The following RPS6KA5 variants were observed in gnomAD, a reference collection of about 807,000 sequenced individuals.
The protein encoded by RPS6KA5 is ribosomal protein S6 kinase alpha-5.
RPS6KA5 carries 27 observed loss-of-function variants against 85.5 expected under a neutral mutation model. The ratio of observed to expected loss-of-function variants is 0.32; its 90% confidence interval spans 0.23 to 0.44. The LOEUF (loss-of-function observed/expected upper bound fraction) is 0.44, where lower values mean the gene tolerates loss of function less well. Ranked by LOEUF, RPS6KA5 falls within the 20% of genes least tolerant of loss-of-function variation. The probability of loss-of-function intolerance (pLI) is 1.00; values close to 1 mark genes in which losing one functional copy is unlikely to be tolerated. For synonymous variants in RPS6KA5, 334 were observed against 348.2 expected (o/e 0.96, Z 0.46); for missense variants, 811 against 980.9 (o/e 0.83, Z 2.31).
intron 1 of RPS6KA5, among the ~76,000 whole-genome samples, chr14:91,014,729 TC>T (rs1326605179): frequency 6.6e-6 from 1 of 152,018 alleles, no homozygotes; most frequent in Non-Finnish European, 1.5e-5. Context: ...TTATACTACA[TC>T]CTCTAAAAAA....
chr14:90,889,954 A>C (rs2034460536), intron 14 of RPS6KA5, among the ~76,000 whole-genome samples: 1 of 152,200 alleles, frequency 6.6e-6, no homozygotes, highest in Admixed American at 6.5e-5. Context: ...GGAGAAAAAA[A>C]ACACAAGATT....
chr14:90,934,823 A>C (rs910820035), intron 5 of RPS6KA5, among the ~76,000 whole-genome samples: 1 of 152,160 alleles, frequency 6.6e-6, no homozygotes, highest in African/African-American at 2.4e-5. Context: ...GGGGGAAAAA[A>C]ATCTCACTAA....
At chr14:90,958,008 G>C (rs554718516) in intron 3 of RPS6KA5, among the ~76,000 whole-genome samples, 4 of 151,976 alleles carry the variant, frequency 2.6e-5, no homozygotes, top group Non-Finnish European at 5.9e-5. Context: ...AATAAAAATA[G>C]CCAGGCATGT....
intron 12 of RPS6KA5, among the ~76,000 whole-genome samples, chr14:90,897,611 C>G (rs1186823210): frequency 6.6e-6 from 1 of 152,110 alleles, no homozygotes; most frequent in Non-Finnish European, 1.5e-5. Context: ...TGTATTTATA[C>G]TAGTTTGTAT....
At chr14:90,940,451 A>G (rs1254540220) in intron 5 of RPS6KA5, among the ~76,000 whole-genome samples, 1 of 152,190 alleles carries the variant, frequency 6.6e-6, no homozygotes, top group Non-Finnish European at 1.5e-5. Flanking sequence ...TCAGTCACAC[A>G]GCATTTCTGA....
intron 1 of RPS6KA5, among the ~76,000 whole-genome samples, chr14:91,052,834 A>C (rs1441604811): frequency 2.6e-4 from 3 of 11,392 alleles, no homozygotes; most frequent in Admixed American, 1.3e-3. Flanking sequence ...CTCCATCTCC[A>C]AAAAAAAAAA....
chr14:90,912,297 T>C (rs1474903368), intron 7 of RPS6KA5, among the ~76,000 whole-genome samples: 2 of 152,202 alleles, frequency 1.3e-5, no homozygotes, highest in Admixed American at 6.5e-5. Flanking sequence ...ATCAATTCCC[T>C]GCAGTCCGTG....
At chr14:90,936,431 G>A (rs943746772) in intron 5 of RPS6KA5, among the ~76,000 whole-genome samples, 3 of 152,234 alleles carry the variant, frequency 2.0e-5, no homozygotes, top group African/African-American at 7.2e-5. Context: ...GGGCATAGTG[G>A]CATGTGCCTG....
chr14:91,051,978 T>A (rs539189588), intron 1 of RPS6KA5, among the ~76,000 whole-genome samples: 25 of 152,212 alleles, frequency 1.6e-4, no homozygotes, highest in African/African-American at 5.3e-4. Flanking sequence ...AGAATTTCCA[T>A]GGAAATGCCA....
intron 7 of RPS6KA5, among the ~76,000 whole-genome samples, chr14:90,911,114 T>A (rs1639484127): frequency 6.6e-6 from 1 of 152,090 alleles, no homozygotes; most frequent in Non-Finnish European, 1.5e-5. Context: ...TTTTTCTTCA[T>A]GCATACCATA....
intron 6 of RPS6KA5, 52 bp downstream of exon 6, chr14:90,923,061 T>G: frequency 7.4e-7 from 1 of 1,345,004 alleles, no homozygotes. Flanking sequence ...ACTAGGATTC[T>G]TATAGTACAT....
At chr14:90,946,924 C>T (rs79536990) in intron 4 of RPS6KA5, among the ~76,000 whole-genome samples, 3,009 of 152,264 alleles carry the variant, frequency 0.02, 44 homozygotes, top group Middle Eastern at 0.041. Context: ...TTCATCCTAC[C>T]TGGGGACAAT....
intron 3 of RPS6KA5, among the ~76,000 whole-genome samples, chr14:90,955,513 T>C (rs993110162): frequency 6.6e-5 from 10 of 152,224 alleles, no homozygotes; most frequent in African/African-American, 2.2e-4. Flanking sequence ...CTTTGACATA[T>C]TGGATATTTA....
At chr14:91,047,503 A>G (rs1380843269) in intron 1 of RPS6KA5, among the ~76,000 whole-genome samples, 1 of 152,376 alleles carries the variant, frequency 6.6e-6, no homozygotes, top group East Asian at 1.9e-4. Flanking sequence ...ACAAAGAATG[A>G]CACGTGTTAC....
chr14:90,875,061 CT>C (rs2033363754), intron 15 of RPS6KA5, 139 bp downstream of exon 15: 1 of 792,484 alleles, frequency 1.3e-6, no homozygotes, highest in Admixed American at 2.4e-5. Flanking sequence ...GAAAACAAGG[CT>C]GAAGAGAGTA....
chr14:90,881,009 A>AT (rs1176211696), intron 14 of RPS6KA5, among the ~76,000 whole-genome samples: 5 of 151,682 alleles, frequency 3.3e-5, no homozygotes, highest in Non-Finnish European at 7.4e-5. Flanking sequence ...TAATTTTTAA[A>AT]TTTTTTGTAG....
chr14:90,881,172 C>A (rs961618137), intron 14 of RPS6KA5, among the ~76,000 whole-genome samples: 1 of 151,662 alleles, frequency 6.6e-6, no homozygotes, highest in Non-Finnish European at 1.5e-5. Flanking sequence ...ATTTTGTGGC[C>A]AGGAGTGGTG....
chr14:91,004,478 T>C lies in RPS6KA5; in HGVS notation c.104-3319A>G, dbSNP rs547367653. On this transcript the variant is annotated intron_variant, in intron 1 of 16. Coordinates refer to ENST00000614987, the MANE Select transcript of RPS6KA5 (RefSeq NM_004755.4). Reference sequence around the variant, plus strand: ...AAAGTTATTGTCTGAGACTGTCAGATAACATTCCTTTGGTTCTTGTCTTTG... The same window carrying C: ...AAAGTTATTGTCTGAGACTGTCAGACAACATTCCTTTGGTTCTTGTCTTTG... Among the ~76,000 whole-genome samples, 7 of 152,342 alleles carry C rather than the reference T, an allele frequency of 4.6e-5. No homozygotes were observed. In the East Asian group the frequency reaches 1.2e-3, roughly 25 times the overall value.
At chr14:91,038,588 T>C (rs766602686) in intron 1 of RPS6KA5, among the ~76,000 whole-genome samples, 7 of 152,176 alleles carry the variant, frequency 4.6e-5, no homozygotes, top group African/African-American at 7.2e-5. Context: ...ATGGCAGTGA[T>C]GCAACAAGAG....
Sources: allele counts gnomAD v4.1 joint callset (sites outside exome capture counted in the v4.1 genomes callset), GRCh38; gene constraint gnomAD v4.1.1; transcripts MANE v1.5; gene names NCBI Gene and HGNC (gene_info 2026-07-23, HGNC 2026-07-21).